Variants in BIRC6 observed in about 807,000 individuals in gnomAD.
BIRC6 encodes the protein dual E2 ubiquitin-conjugating enzyme/E3 ubiquitin-protein ligase BIRC6.
In BIRC6, 98 loss-of-function variants were observed where a neutral mutation model predicts 503.3. That is an observed-to-expected ratio of 0.19 (90% CI 0.17 to 0.23). BIRC6 has a LOEUF of 0.23. Ranked by LOEUF, BIRC6 falls within the 10% of genes least tolerant of loss-of-function variation. The pLI, the probability that BIRC6 is intolerant of heterozygous loss-of-function variation, is 1.00. For synonymous variants in BIRC6, 2,240 were observed against 2,078.7 expected (o/e 1.08, Z -2.11); for missense variants, 5,360 against 5,806.0 (o/e 0.92, Z 2.50).
At position 32,415,920 on chromosome 2, in the gene BIRC6, C is replaced by A. The variant is rs758349132; in HGVS notation, c.2629C>A (p.Pro877Thr). Residue 877 changes from proline (P) to threonine (T), a missense_variant, in exon 10 of 74, where the codon CCT becomes ACT. By Grantham distance (38) the Pro-to-Thr change is conservative. Transcript: ENST00000421745. ...LDNREDDCEE[P>T]IEDMQLTSKN... Reference sequence around the variant, plus strand: ...TAATCGAGAGGATGACTGTGAGGAACCTATTGAGGACATGCAGTTAACCTC... The same window carrying A: ...TAATCGAGAGGATGACTGTGAGGAAACTATTGAGGACATGCAGTTAACCTC... 3 of 1,613,924 alleles carry A rather than the reference C, an allele frequency of 1.9e-6. No homozygotes were observed. Among genetic ancestry groups the A allele is most frequent in the South Asian group, 2.2e-5 (2 of 91,078 alleles).
intron 3 of BIRC6, among the ~76,000 whole-genome samples, chr2:32,380,653 G>C (rs1019323966): frequency 3.3e-5 from 5 of 152,088 alleles, no homozygotes; most frequent in Non-Finnish European, 7.3e-5. Context: ...TTGAACCCAG[G>C]AGGCGGAGTT....
At chr2:32,394,875 G>A (rs967067179) in intron 5 of BIRC6, among the ~76,000 whole-genome samples, 1 of 152,104 alleles carries the variant, frequency 6.6e-6, no homozygotes, top group Non-Finnish European at 1.5e-5. Flanking sequence ...CAAGAGGCTG[G>A]GTGCAGGGCT....
intron 46 of BIRC6, among the ~76,000 whole-genome samples, chr2:32,500,997 T>G (rs891530388): frequency 5.9e-5 from 9 of 152,190 alleles, no homozygotes; most frequent in Non-Finnish European, 1.3e-4. Context: ...AGACAAGTAT[T>G]ATTTGTTCAC....
intron 65 of BIRC6, among the ~76,000 whole-genome samples, chr2:32,571,061 T>A (rs2059883234): frequency 6.6e-6 from 1 of 152,186 alleles, no homozygotes; most frequent in Admixed American, 6.6e-5. Flanking sequence ...TCCTCCTGCC[T>A]CAGCCTCCCA....
At chr2:32,381,397 G>A (rs2037625328) in intron 3 of BIRC6, among the ~76,000 whole-genome samples, 2 of 151,870 alleles carry the variant, frequency 1.3e-5, no homozygotes, top group African/African-American at 2.4e-5. Context: ...GCGCCACCAC[G>A]CCTGGCAAAT....
rs993271759 is a variant in BIRC6, at chr2:32,468,464, A to G, written c.5808A>G (p.Glu1936=). ...CRYNLACHRL[E]TLLQSIDLPP... ...ATAACTTGGCTTGTCATCGTCTGGAAACCCTTTTGCAAAGTATTGATCTTC... is the reference window on the plus strand; with the variant it reads ...ATAACTTGGCTTGTCATCGTCTGGAGACCCTTTTGCAAAGTATTGATCTTC... The change falls in exon 29 of 74, where the codon GAA becomes GAG. Residue 1936 remains glutamate (E), a synonymous_variant. Coordinates refer to ENST00000421745, the MANE Select transcript of BIRC6 (RefSeq NM_016252.4). 18 of 1,588,510 alleles carry G rather than the reference A, an allele frequency of 1.1e-5. No homozygotes were observed. Among genetic ancestry groups the G allele is most frequent in the African/African-American group, 6.8e-5 (5 of 73,802 alleles).
At chr2:32,372,085 G>T (rs1292303561) in intron 1 of BIRC6, among the ~76,000 whole-genome samples, 1 of 152,204 alleles carries the variant, frequency 6.6e-6, no homozygotes, top group Non-Finnish European at 1.5e-5. Context: ...GATTACAGGT[G>T]TGAAGGCATT....
In BIRC6 at chr2:32,482,419, T is replaced by G; in HGVS notation, c.7543-10T>G. ...AAAATAAACCACAGTTTTTTTTCCA[T>G]TCTTTTAAGCCAATAAGCAGTACAT... On this transcript the variant is annotated splice_polypyrimidine_tract_variant and intron_variant, in intron 38 of 73. Coordinates refer to ENST00000421745, the MANE Select transcript of BIRC6 (RefSeq NM_016252.4). The G allele has an allele frequency of 6.2e-7, 1 of 1,603,246 alleles. No homozygotes were observed. The highest frequency in any genetic ancestry group is 8.5e-7 in the Non-Finnish European group (1 of 1,174,364).
At chr2:32,493,257 A>G (rs904428976) in intron 44 of BIRC6, among the ~76,000 whole-genome samples, 8 of 152,064 alleles carry the variant, frequency 5.3e-5, no homozygotes, top group African/African-American at 1.7e-4. Context: ...TTTATTGTGT[A>G]ATTCAGGTGA....
chr2:32,521,618 G>A (rs922416970), intron 57 of BIRC6, among the ~76,000 whole-genome samples: 3 of 149,264 alleles, frequency 2.0e-5, no homozygotes, highest in Non-Finnish European at 3.0e-5. Flanking sequence ...ATAGGCACGC[G>A]CCACCACACT....
At chr2:32,521,871 G>GAA (rs2055760582) in intron 57 of BIRC6, 3 of 152,064 alleles carry the variant, frequency 2.0e-5, no homozygotes, top group Admixed American at 2.0e-4. Flanking sequence ...TGATGATTGT[G>GAA]TGCCTTACAA....
At chr2:32,561,723 G>GTATATA (rs553047711) in intron 65 of BIRC6, among the ~76,000 whole-genome samples, 5 of 145,504 alleles carry the variant, frequency 3.4e-5, no homozygotes, top group African/African-American at 1.3e-4. Context: ...CTTTAATCAT[G>GTATATA]TATATATATA....
intron 1 of BIRC6, among the ~76,000 whole-genome samples, chr2:32,372,805 G>A (rs1294488896): frequency 6.6e-6 from 1 of 152,042 alleles, no homozygotes; most frequent in Non-Finnish European, 1.5e-5. Context: ...ATTCCAGCCT[G>A]AGTGACATAG....
rs758460181 is a variant in BIRC6, at chr2:32,524,872, T to A, written c.11624-16T>A. On this transcript the variant is annotated splice_polypyrimidine_tract_variant and intron_variant, in intron 57 of 73. Coordinates refer to ENST00000421745, the MANE Select transcript of BIRC6 (RefSeq NM_016252.4). The stretch of plus-strand genomic sequence containing the variant: ...ATTTGGAAAAGCAGTGTATTTTAGA[T>A]AATATCTTCTTACAGATACTCCAAG... 7.1e-7 allele frequency: 1 copy of A among 1,398,664 alleles called. No individual in the cohort carries two copies. Among genetic ancestry groups the A allele is most frequent in the Non-Finnish European group, 9.5e-7 (1 of 1,050,070 alleles). 86.6% of individuals were successfully genotyped at this position (1,398,664 alleles called of 1,614,324 possible).
At chr2:32,391,949 C>T (rs1289870639) in intron 4 of BIRC6, 90 bp from the exon 5 acceptor site, 1 of 827,456 alleles carries the variant, frequency 1.2e-6, no homozygotes, top group African/African-American at 1.7e-5. Context: ...TTGCTGATAA[C>T]CCAGTAAAAT....
rs573136812 is a variant in BIRC6, at chr2:32,601,755, G to C, written c.13993-1251G>C. Among the ~76,000 whole-genome samples the C allele has an allele frequency of 2.1e-4, 32 of 152,314 alleles. No individual in the cohort carries two copies. In the South Asian group the frequency reaches 6.6e-3, roughly 32 times the overall value. On this transcript the variant is annotated intron_variant, in intron 70 of 73. Transcript: ENST00000421745. ...TATTACAAGAGTAGTTACAGGTGCA[G>C]ATTAAGTGTCCCCAGTTCTCTTCCT...
chr2:32,455,260 G>T lies in BIRC6; in HGVS notation c.4753+1318G>T, dbSNP rs796375973. On this transcript the variant is annotated intron_variant, in intron 23 of 73. Coordinates refer to ENST00000421745, the MANE Select transcript of BIRC6 (RefSeq NM_016252.4). The stretch of plus-strand genomic sequence containing the variant: ...GCTGGGCATGGTGGTGGTGCCTGTA[G>T]TCCCAGCTACTCAGGAGGCTGAGGC... Among the ~76,000 whole-genome samples the T allele has an allele frequency of 7.3e-5, 11 of 151,520 alleles. 1 individual carries two copies. The highest frequency in any genetic ancestry group is 2.7e-4 in the African/African-American group (11 of 41,266).
intron 66 of BIRC6, among the ~76,000 whole-genome samples, chr2:32,591,252 A>G (rs1446665989): frequency 1.3e-5 from 2 of 152,146 alleles, no homozygotes; most frequent in Non-Finnish European, 2.9e-5. Flanking sequence ...TGATTCAACC[A>G]TTGTCTTCAA....
rs925668411 is a variant in BIRC6, at chr2:32,618,869, C to T, written c.*965C>T. On this transcript the variant is annotated 3_prime_UTR_variant, in exon 74 of 74. Transcript: ENST00000421745. ...CTTCCTAGAGCCAAATAAATAAAGA[C>T]TTAGGTGAATTAGTATGTCTTGTTT... The T allele has an allele frequency of 6.6e-6, 1 of 152,488 alleles. No individual in the cohort carries two copies. Among genetic ancestry groups the T allele is most frequent in the African/African-American group, 2.4e-5 (1 of 41,410 alleles). The allele number at this position is 152,488 out of a possible 1,614,324, so 9.4% of individuals were successfully genotyped here. A position where few individuals can be genotyped will look rare whatever the true frequency, so the allele number is the denominator to read the frequency against.
Sources: allele counts gnomAD v4.1 joint callset (sites outside exome capture counted in the v4.1 genomes callset), GRCh38; gene constraint gnomAD v4.1.1; transcripts MANE v1.5; gene names NCBI Gene and HGNC (gene_info 2026-07-23, HGNC 2026-07-21).